NELL2: variants seen among roughly 807,000 people sequenced by gnomAD.
NELL2 encodes neural EGFL like 2.
Under a neutral mutation model 109.6 loss-of-function variants are expected in NELL2, and 41 were observed. The ratio of observed to expected loss-of-function variants is 0.37; its 90% CI spans 0.29 to 0.49. The LOEUF is 0.49. NELL2 is among the 20% of genes least tolerant of loss of function. NELL2 has a pLI of 0.98. For missense variants in NELL2, 900 were observed against 1,008.3 expected (o/e 0.89, Z 1.45); for synonymous variants, 355 against 344.7 (o/e 1.03, Z -0.33).
At chr12:44,521,216 C>A (rs1941511493) in intron 18 of NELL2, among the ~76,000 whole-genome samples, 1 of 152,080 alleles carries the variant, frequency 6.6e-6, no homozygotes, top group African/African-American at 2.4e-5. Context: ...GTATTTATTG[C>A]ATATCCATAT....
chr12:44,541,912 T>A (rs1190434643), intron 15 of NELL2, among the ~76,000 whole-genome samples: 17 of 152,190 alleles, frequency 1.1e-4, no homozygotes, highest in Admixed American at 1.0e-3. Flanking sequence ...TTTACAAAAT[T>A]ATTTAGGGGC....
intron 15 of NELL2, among the ~76,000 whole-genome samples, chr12:44,593,073 T>C (rs1263984087): frequency 1.3e-5 from 2 of 152,086 alleles, no homozygotes; most frequent in Admixed American, 6.5e-5. Context: ...GTGATTCCAG[T>C]ATAAAAAAGA....
intron 3 of NELL2, among the ~76,000 whole-genome samples, chr12:44,788,310 G>C (rs1942255782): frequency 6.6e-6 from 1 of 152,128 alleles, no homozygotes; most frequent in Non-Finnish European, 1.5e-5. Context: ...TGCTCCTGCA[G>C]GACACCGGAG....
chr12:44,624,994 G>GTATATATATATATATATA (rs759847225), intron 13 of NELL2, among the ~76,000 whole-genome samples: 1 of 118,702 alleles, frequency 8.4e-6, no homozygotes. Context: ...ATATATGTGT[G>GTATATATATATATATATA]TGTATATATA....
intron 2 of NELL2, among the ~76,000 whole-genome samples, chr12:44,845,393 G>C (rs550088022): frequency 2.4e-4 from 36 of 152,278 alleles, no homozygotes; most frequent in African/African-American, 8.7e-4. Context: ...GTACAGTATA[G>C]TGCATAGCGT....
chr12:44,604,399 A>G (rs1945321997), intron 15 of NELL2, among the ~76,000 whole-genome samples: 2 of 152,142 alleles, frequency 1.3e-5, no homozygotes, highest in Admixed American at 6.5e-5. Context: ...TCTGTGCCAT[A>G]TCTGCCATAT....
At chr12:44,810,151 C>A (rs1403347099) in intron 3 of NELL2, among the ~76,000 whole-genome samples, 1 of 152,068 alleles carries the variant, frequency 6.6e-6, no homozygotes, top group Non-Finnish European at 1.5e-5. Flanking sequence ...CTCATAATAA[C>A]CTTTCTCTTC....
intron 15 of NELL2, 150 bp from the exon 16 acceptor site, chr12:44,532,871 A>T (rs1302794460): frequency 2.8e-6 from 2 of 726,256 alleles, no homozygotes; most frequent in East Asian, 5.5e-5. Flanking sequence ...GTTTGTTAAC[A>T]GCTACACAGA....
intron 12 of NELL2, among the ~76,000 whole-genome samples, chr12:44,684,727 T>C (rs916723850): frequency 2.0e-5 from 3 of 152,192 alleles, no homozygotes; most frequent in African/African-American, 7.2e-5. Flanking sequence ...GTTGAGTGGT[T>C]TTGAGTGAGA....
intron 2 of NELL2, among the ~76,000 whole-genome samples, chr12:44,857,702 G>A (rs1274005456): frequency 1.3e-5 from 2 of 152,182 alleles, no homozygotes; most frequent in Non-Finnish European, 2.9e-5. Context: ...TGGGGTTGCT[G>A]TAGAGAGGAG....
chr12:44,656,196 T>C (rs1397186152), intron 13 of NELL2, among the ~76,000 whole-genome samples: 1 of 152,190 alleles, frequency 6.6e-6, no homozygotes, highest in Non-Finnish European at 1.5e-5. Flanking sequence ...TGTGAAACCC[T>C]GAATGTTTCC....
At chr12:44,724,998 C>CA (rs915615688) in intron 9 of NELL2, among the ~76,000 whole-genome samples, 15 of 151,382 alleles carry the variant, frequency 9.9e-5, no homozygotes, top group East Asian at 3.9e-4. Context: ...ACAAAGCTGA[C>CA]AAAAAAAACA....
intron 1 of NELL2, among the ~76,000 whole-genome samples, chr12:44,895,454 A>C (rs34822129): frequency 0.074 from 11,331 of 152,220 alleles, 549 homozygotes; most frequent in Admixed American, 0.12. Context: ...CATACTGATG[A>C]TTAAATAAAA....
chr12:44,782,907 TAG>T (rs1356631814), intron 3 of NELL2, among the ~76,000 whole-genome samples: 1 of 152,018 alleles, frequency 6.6e-6, no homozygotes, highest in African/African-American at 2.4e-5. Context: ...TCAACACTTA[TAG>T]AACATACCAC....
At chr12:44,919,600 A>C (rs1321843921) in intron 1 of NELL2, among the ~76,000 whole-genome samples, 1 of 152,172 alleles carries the variant, frequency 6.6e-6, no homozygotes, top group African/African-American at 2.4e-5. Flanking sequence ...GAGCACAGAG[A>C]GAATGCTGTG....
At chr12:44,597,582 A>G (rs1242102904) in intron 15 of NELL2, among the ~76,000 whole-genome samples, 2 of 152,200 alleles carry the variant, frequency 1.3e-5, no homozygotes, top group Non-Finnish European at 2.9e-5. Flanking sequence ...AAAAACTGTT[A>G]AACTTAGTTC....
intron 15 of NELL2, among the ~76,000 whole-genome samples, chr12:44,545,260 T>C (rs1339309950): frequency 2.0e-5 from 3 of 152,074 alleles, no homozygotes; most frequent in Admixed American, 6.6e-5. Flanking sequence ...ATAACCAATG[T>C]GTAAGATACA....
chr12:44,614,523 C>A (rs185691849), intron 13 of NELL2, among the ~76,000 whole-genome samples: 101 of 151,860 alleles, frequency 6.7e-4, no homozygotes, highest in Non-Finnish European at 1.1e-3. Context: ...TGATGAGGCA[C>A]AATATAGTAA....
At chr12:44,745,206 G>C (rs1184304468) in intron 9 of NELL2, among the ~76,000 whole-genome samples, 3 of 151,942 alleles carry the variant, frequency 2.0e-5, no homozygotes, top group Non-Finnish European at 4.4e-5. Flanking sequence ...CAAAAACCAT[G>C]ATTATCTCAA....
Sources: gnomAD v4.1 joint callset for allele counts (sites outside exome capture counted in the v4.1 genomes callset) on GRCh38, gnomAD v4.1.1 for gene constraint, MANE v1.5 for transcripts, NCBI Gene and HGNC (gene_info 2026-07-23, HGNC 2026-07-21) for gene names.